The following SKAP2 variants were observed in gnomAD, a reference collection of about 807,000 sequenced individuals.
SKAP2 encodes the protein src kinase-associated phosphoprotein 2.
A neutral mutation model predicts 54.9 loss-of-function variants in SKAP2; 28 were observed. That is an observed-to-expected ratio of 0.51 (90% CI 0.38 to 0.70). The LOEUF (loss-of-function observed/expected upper bound fraction) is 0.70. SKAP2 is among the 30% of genes least tolerant of loss of function. The pLI is 0.00. For missense variants in SKAP2, 356 were observed against 424.1 expected (o/e 0.84, Z 1.41); for synonymous variants, 137 against 134.3 (o/e 1.02, Z -0.14).
chr7:26,760,679 T>C (rs1190143394), intron 4 of SKAP2, among the ~76,000 whole-genome samples: 4 of 152,164 alleles, frequency 2.6e-5, no homozygotes, highest in East Asian at 3.8e-4. Context: ...TTTTGGACCC[T>C]GGTTGACTGT....
At chr7:26,661,693 CA>C in the SKAP2 span, among the ~76,000 whole-genome samples, 1 of 152,118 alleles carries the variant, frequency 6.6e-6, no homozygotes, top group East Asian at 1.9e-4. Context: ...TTATTTGCAT[CA>C]ATTTCTGTTA....
intron 4 of SKAP2, among the ~76,000 whole-genome samples, chr7:26,796,895 C>G (rs1584395033): frequency 6.6e-6 from 1 of 152,180 alleles, no homozygotes; most frequent in Non-Finnish European, 1.5e-5. Context: ...ATCCCTAAAC[C>G]CTCACATTGT....
At chr7:26,747,393 G>T (rs1468427456) in intron 4 of SKAP2, among the ~76,000 whole-genome samples, 1 of 152,106 alleles carries the variant, frequency 6.6e-6, no homozygotes, top group Admixed American at 6.6e-5. Context: ...TGATATAGCA[G>T]CCTATGTGAC....
chr7:26,730,531 C>A (rs1268720091), intron 6 of SKAP2, among the ~76,000 whole-genome samples: 1 of 152,126 alleles, frequency 6.6e-6, no homozygotes, highest in Non-Finnish European at 1.5e-5. Context: ...AACATAGTAT[C>A]ATTTTGAGTA....
chr7:26,747,242 A>C (rs571459369), intron 4 of SKAP2, among the ~76,000 whole-genome samples: 1 of 152,308 alleles, frequency 6.6e-6, no homozygotes, highest in South Asian at 2.1e-4. Context: ...GCGATCTCTA[A>C]GCCTATTATG....
intron 4 of SKAP2, among the ~76,000 whole-genome samples, chr7:26,745,999 G>A (rs924352576): frequency 6.6e-6 from 1 of 152,086 alleles, no homozygotes; most frequent in South Asian, 2.1e-4. Flanking sequence ...TTTTTCTTAA[G>A]AAGTGATAAA....
intron 4 of SKAP2, among the ~76,000 whole-genome samples, chr7:26,781,850 C>T (rs1190961964): frequency 6.6e-6 from 1 of 152,140 alleles, no homozygotes; most frequent in Non-Finnish European, 1.5e-5. Flanking sequence ...CTACTCTGAT[C>T]ACTCTCCTCC....
At position 26,830,616 on chromosome 7, in the gene SKAP2, G is replaced by A. The variant is rs28419173; in HGVS notation, c.307+13414C>T. On this transcript the variant is annotated intron_variant, in intron 4 of 12. Transcript: ENST00000345317. ...AATCAATGTGCTATTCATATATAAC[G>A]AGCTCAAGAAAATAATTTACCTGAG... Among the ~76,000 whole-genome samples the A allele has an allele frequency of 8.2e-3, 1,246 of 152,004 alleles. 19 individuals are homozygous for A. Among genetic ancestry groups the A allele is most frequent in the African/African-American group, 0.028 (1,167 of 41,452 alleles).
At chr7:26,760,189 A>T (rs1042704035) in intron 4 of SKAP2, among the ~76,000 whole-genome samples, 1 of 152,314 alleles carries the variant, frequency 6.6e-6, no homozygotes, top group African/African-American at 2.4e-5. Context: ...TATTCCACGA[A>T]TCCTTGGAAT....
At chr7:26,671,227 C>T (rs894515241) in intron 11 of SKAP2, among the ~76,000 whole-genome samples, 3 of 152,028 alleles carry the variant, frequency 2.0e-5, no homozygotes, top group Non-Finnish European at 4.4e-5. Context: ...AAAAGCAATA[C>T]TCTTCACAAG....
chr7:26,677,415 A>AG, intron 11 of SKAP2, among the ~76,000 whole-genome samples: 1 of 150,274 alleles, frequency 6.7e-6, no homozygotes, highest in East Asian at 2.0e-4. Flanking sequence ...AAAAAAAAAA[A>AG]GAAGTGATCC....
chr7:26,727,195 T>C (rs1787726722), intron 6 of SKAP2, among the ~76,000 whole-genome samples, 189 bp from the exon 7 acceptor site: 2 of 152,160 alleles, frequency 1.3e-5, no homozygotes, highest in East Asian at 1.9e-4. Flanking sequence ...TAGGGATGAT[T>C]GGACTTACAA....
At chr7:26,779,150 T>C (rs954950651) in intron 4 of SKAP2, among the ~76,000 whole-genome samples, 2 of 152,150 alleles carry the variant, frequency 1.3e-5, no homozygotes, top group East Asian at 3.9e-4. Flanking sequence ...TATCAATAAT[T>C]CCATAAAAAT....
intron 4 of SKAP2, among the ~76,000 whole-genome samples, chr7:26,762,999 A>G (rs920966015): frequency 4.6e-5 from 7 of 152,164 alleles, no homozygotes; most frequent in African/African-American, 1.4e-4. Flanking sequence ...GTCAGGCATT[A>G]GTTTCTTCTT....
rs374992322 is a variant in SKAP2 at position 26,822,260 on chromosome 7, G to A, written c.307+21770C>T. On this transcript the variant is annotated intron_variant, in intron 4 of 12. Transcript: ENST00000345317. ...AAATTGCAGGTTTGTGACAACCCTT[G>A]TGGAACAAGTCTATCAGCACCATTT... Among the ~76,000 whole-genome samples the A allele has an allele frequency of 7.7e-4, 117 of 152,212 alleles. 1 individual carries two copies. Among genetic ancestry groups the A allele is most frequent in the Admixed American group, 2.1e-3 (32 of 15,302 alleles).
intron 4 of SKAP2, among the ~76,000 whole-genome samples, chr7:26,748,189 G>GA (rs1270407146): frequency 4.0e-5 from 6 of 151,874 alleles, no homozygotes; most frequent in African/African-American, 1.5e-4. Flanking sequence ...AAGTAGATGT[G>GA]AAAAAAATCT....
At chr7:26,721,556 A>C (rs1203643958) in intron 9 of SKAP2, among the ~76,000 whole-genome samples, 1 of 152,166 alleles carries the variant, frequency 6.6e-6, no homozygotes, top group Non-Finnish European at 1.5e-5. Context: ...AAATGAATTC[A>C]CACTTAAAAA....
chr7:26,823,307 T>C (rs1784420196), intron 4 of SKAP2, among the ~76,000 whole-genome samples: 1 of 150,782 alleles, frequency 6.6e-6, no homozygotes, highest in South Asian at 2.1e-4. Context: ...GCGCCTGTAA[T>C]CCTAGCTACT....
chr7:26,684,646 C>A, intron 11 of SKAP2, 90 bp downstream of exon 11: 2 of 705,844 alleles, frequency 2.8e-6, no homozygotes, highest in Non-Finnish European at 5.0e-6. Flanking sequence ...TTCCAATTGG[C>A]ATTCTTCCCT....
Sources: gnomAD v4.1 joint callset for allele counts (sites outside exome capture counted in the v4.1 genomes callset) on GRCh38, gnomAD v4.1.1 for gene constraint, MANE v1.5 for transcripts, NCBI Gene and HGNC (gene_info 2026-07-23, HGNC 2026-07-21) for gene names.